Variants in ACYP2 observed in about 807,000 individuals in gnomAD.
The protein encoded by ACYP2 is acylphosphatase-2.
ACYP2 carries 12 observed loss-of-function variants against 11.2 expected under a neutral mutation model. The ratio of observed to expected loss-of-function variants is 1.08; its 90% CI spans 0.69 to 1.74. The LOEUF (loss-of-function observed/expected upper bound fraction) is 1.74. Ranked by LOEUF, ACYP2 falls within the 40% of genes most tolerant of loss-of-function variation. The pLI is 0.00. For synonymous variants in ACYP2, 43 were observed against 32.2 expected (o/e 1.33, Z -1.13); for missense variants, 134 against 101.9 (o/e 1.31, Z -1.35).
At chr2:54,227,065 T>C (rs1686038765) in intron 6 of ACYP2, among the ~76,000 whole-genome samples, 1 of 152,180 alleles carries the variant, frequency 6.6e-6, no homozygotes, top group Non-Finnish European at 1.5e-5. Context: ...AGCCATTGGG[T>C]ACAAATACTG....
intron 6 of ACYP2, among the ~76,000 whole-genome samples, chr2:54,157,863 G>A (rs1176251424): frequency 1.3e-5 from 2 of 152,156 alleles, no homozygotes; most frequent in African/African-American, 4.8e-5. Flanking sequence ...AGAGGGTCTG[G>A]GAAGAGCTTT....
intron 5 of ACYP2, among the ~76,000 whole-genome samples, chr2:54,136,176 G>C (rs1379910297): frequency 6.6e-6 from 1 of 152,140 alleles, no homozygotes; most frequent in African/African-American, 2.4e-5. Context: ...TGGAATTACA[G>C]GTGTGAGCCA....
chr2:54,070,166 A>T (rs551568871), intron 4 of ACYP2, among the ~76,000 whole-genome samples: 1 of 150,916 alleles, frequency 6.6e-6, no homozygotes, highest in Non-Finnish European at 1.5e-5. Context: ...GCTATTCAGG[A>T]GGCTGAGGCA....
chr2:54,107,764 A>G (rs1449624177), intron 4 of ACYP2, among the ~76,000 whole-genome samples: 5 of 152,234 alleles, frequency 3.3e-5, no homozygotes, highest in African/African-American at 1.2e-4. Context: ...ACCTTTGGGC[A>G]TAAACTCCCC....
chr2:53,982,317 T>C (rs1051323212), intron 2 of ACYP2, among the ~76,000 whole-genome samples: 1 of 152,228 alleles, frequency 6.6e-6, no homozygotes, highest in Non-Finnish European at 1.5e-5. Flanking sequence ...GAATACCTTT[T>C]GAAATTTACA....
At chr2:54,114,008 C>G (rs1222342291) in intron 4 of ACYP2, among the ~76,000 whole-genome samples, 1 of 152,094 alleles carries the variant, frequency 6.6e-6, no homozygotes, top group Non-Finnish European at 1.5e-5. Context: ...ATTAACTGCA[C>G]TAGCATTTCC....
At chr2:54,039,805 A>G (rs1675123164) in intron 2 of ACYP2, among the ~76,000 whole-genome samples, 1 of 118,418 alleles carries the variant, frequency 8.4e-6, no homozygotes. Context: ...TCTGTGTTTT[A>G]TATTTGTTTT....
At chr2:54,144,401 T>G (rs1358051328) in intron 6 of ACYP2, among the ~76,000 whole-genome samples, 1 of 152,040 alleles carries the variant, frequency 6.6e-6, no homozygotes, top group Non-Finnish European at 1.5e-5. Context: ...TCTCGGCCGG[T>G]GCGGTGGCTC....
Position 54,141,983 on chromosome 2 carries a change from T to TTGTGTGTGTG in ACYP2, c.404+3255_404+3264dup, listed in dbSNP as rs56673055. ...CTCCTGAGTGCACATGCTGGCTAAT[T>TTGTGTGTGTG]TGTGTGTGTGTGTGTGTGTGTGTGT... On this transcript the variant is annotated intron_variant, in intron 6 of 6. Coordinates refer to ENST00000607452, the MANE Select transcript of ACYP2 (RefSeq NM_001320586.2). The TTGTGTGTGTG allele has an allele frequency of 5.8e-3, 2,681 of 459,228 alleles. 14 individuals carry two copies. Among genetic ancestry groups the TTGTGTGTGTG allele is most frequent in the Non-Finnish European group, 7.6e-3 (1,943 of 254,698 alleles). 28.4% of individuals were successfully genotyped at this position (459,228 alleles called of 1,614,324 possible).
chr2:54,255,436 T>G, intron 6 of ACYP2: 1 of 1,613,968 alleles, frequency 6.2e-7, no homozygotes, highest in Non-Finnish European at 8.5e-7. Flanking sequence ...ATTCCTCTGC[T>G]CCAGGTAGTA....
chr2:54,127,047 T>C (rs1339419074), intron 4 of ACYP2, among the ~76,000 whole-genome samples: 1 of 151,324 alleles, frequency 6.6e-6, no homozygotes, highest in Non-Finnish European at 1.5e-5. Flanking sequence ...ATTGGCCAAC[T>C]TTTCACAATC....
chr2:54,277,162 A>C (rs1307850907), intron 6 of ACYP2, among the ~76,000 whole-genome samples: 3 of 152,202 alleles, frequency 2.0e-5, no homozygotes, highest in Non-Finnish European at 4.4e-5. Flanking sequence ...TCGCTGAATC[A>C]AAGTGCATGC....
At chr2:54,008,212 C>G (rs1673178991) in intron 2 of ACYP2, among the ~76,000 whole-genome samples, 1 of 152,206 alleles carries the variant, frequency 6.6e-6, no homozygotes, top group South Asian at 2.1e-4. Flanking sequence ...ATGCAGCTGC[C>G]AAGCTTAAAA....
At chr2:54,255,702 C>T (rs369616793) in intron 6 of ACYP2, 1 of 1,613,976 alleles carries the variant, frequency 6.2e-7, no homozygotes, top group Non-Finnish European at 8.5e-7. Flanking sequence ...CCTCAGGCTT[C>T]ACGTCCTCGG....
chr2:54,257,073 T>C (rs1391587637), intron 6 of ACYP2, among the ~76,000 whole-genome samples: 1 of 152,188 alleles, frequency 6.6e-6, no homozygotes, highest in Non-Finnish European at 1.5e-5. Flanking sequence ...TCTGCTCTGT[T>C]TAAGAAATCT....
chr2:54,022,587 A>C (rs1017040771), intron 2 of ACYP2, among the ~76,000 whole-genome samples: 1 of 151,888 alleles, frequency 6.6e-6, no homozygotes, highest in Non-Finnish European at 1.5e-5. Flanking sequence ...CCTATGTTGC[A>C]CAGGGTGGTC....
intron 2 of ACYP2, chr2:53,975,275 C>G (rs1023183491): frequency 4.5e-5 from 18 of 398,130 alleles, no homozygotes; most frequent in Admixed American, 3.5e-4. Flanking sequence ...AATGAGCTCC[C>G]TAGAAACAAA....
At chr2:54,020,268 C>G (rs1673933794) in intron 2 of ACYP2, among the ~76,000 whole-genome samples, 1 of 152,174 alleles carries the variant, frequency 6.6e-6, no homozygotes, top group Non-Finnish European at 1.5e-5. Context: ...AATACAGTTC[C>G]TGCTGATTGA....
At chr2:54,141,992 TG>T in intron 6 of ACYP2, 1 of 456,030 alleles carries the variant, frequency 2.2e-6, no homozygotes, top group Non-Finnish European at 3.9e-6. Flanking sequence ...TTTGTGTGTG[TG>T]TGTGTGTGTG....
Sources: gnomAD v4.1 joint callset for allele counts (sites outside exome capture counted in the v4.1 genomes callset) on GRCh38, gnomAD v4.1.1 for gene constraint, MANE v1.5 for transcripts, NCBI Gene and HGNC (gene_info 2026-07-23, HGNC 2026-07-21) for gene names.